The following FMNL2 variants were observed in gnomAD, a reference collection of about 807,000 sequenced individuals.
The protein encoded by FMNL2 is formin-like protein 2.
In FMNL2, 51 loss-of-function variants were observed where a neutral mutation model predicts 130.2. That is an observed-to-expected ratio of 0.39 (90% confidence interval 0.31 to 0.49). The LOEUF (loss-of-function observed/expected upper bound fraction) is 0.49, where lower values mean the gene tolerates loss of function less well. Ranked by LOEUF, FMNL2 falls within the 20% of genes least tolerant of loss-of-function variation. The probability of loss-of-function intolerance (pLI) is 0.85; values close to 1 mark genes in which losing one functional copy is unlikely to be tolerated. For synonymous variants in FMNL2, 465 were observed against 467.1 expected (o/e 1.00, Z 0.06); for missense variants, 977 against 1,316.2 (o/e 0.74, Z 3.99).
In FMNL2 at chr2:152,631,993, C is replaced by A. The variant is rs370190013; in HGVS notation, c.2551-15C>A. The A allele has an allele frequency of 1.4e-5, 23 of 1,607,534 alleles. No homozygotes were observed. Among genetic ancestry groups the A allele is most frequent in the Non-Finnish European group, 1.9e-5 (22 of 1,177,288 alleles). ...TTTACTCTTGTACCTAACCCACGTT[C>A]CCTTTTGTTTTCAGCTCTTAGATAC... On this transcript the variant is annotated splice_polypyrimidine_tract_variant and intron_variant, in intron 20 of 25. Transcript: ENST00000288670.
At chr2:152,551,172 G>A (rs1694917611) in intron 4 of FMNL2, among the ~76,000 whole-genome samples, 1 of 148,828 alleles carries the variant, frequency 6.7e-6, no homozygotes, top group Admixed American at 6.7e-5. Flanking sequence ...ATTTCTTTAA[G>A]CATTGCCGAA....
intron 1 of FMNL2, among the ~76,000 whole-genome samples, chr2:152,442,959 T>G (rs548349304): frequency 1.3e-5 from 2 of 152,264 alleles, no homozygotes; most frequent in African/African-American, 4.8e-5. Context: ...TCATACTCAT[T>G]TAGAGGGATC....
intron 2 of FMNL2, among the ~76,000 whole-genome samples, chr2:152,527,748 T>C (rs1693468220): frequency 6.6e-6 from 1 of 152,178 alleles, no homozygotes; most frequent in Non-Finnish European, 1.5e-5. Flanking sequence ...CTTTGATCTA[T>C]GGGAATCCCT....
intron 1 of FMNL2, among the ~76,000 whole-genome samples, chr2:152,426,212 A>G (rs1034113570): frequency 6.6e-6 from 1 of 152,126 alleles, no homozygotes; most frequent in Admixed American, 6.5e-5. Context: ...GTCATTGGCT[A>G]TTTATTTTTG....
intron 1 of FMNL2, among the ~76,000 whole-genome samples, chr2:152,518,441 T>C (rs1692896790): frequency 6.6e-6 from 1 of 152,262 alleles, no homozygotes; most frequent in Non-Finnish European, 1.5e-5. Context: ...AAGTCTCTTC[T>C]TGTTCAGAGA....
chr2:152,573,967 T>C (rs1211448671), intron 6 of FMNL2, among the ~76,000 whole-genome samples: 6 of 152,226 alleles, frequency 3.9e-5, no homozygotes, highest in African/African-American at 1.4e-4. Flanking sequence ...AGAAGCCCTT[T>C]GTGTTAATGT....
chr2:152,459,442 A>G (rs990410088), intron 1 of FMNL2, among the ~76,000 whole-genome samples: 2 of 152,220 alleles, frequency 1.3e-5, no homozygotes, highest in South Asian at 2.1e-4. Context: ...TGATTGATTT[A>G]TATACAAAAT....
intron 9 of FMNL2, among the ~76,000 whole-genome samples, chr2:152,592,441 CTTTG>C (rs1173447847): frequency 4.6e-5 from 7 of 152,004 alleles, no homozygotes; most frequent in African/African-American, 1.5e-4. Context: ...TCAATAAGGG[CTTTG>C]TTTGTTGGTT....
intron 25 of FMNL2, 139 bp from the exon 26 acceptor site, chr2:152,647,657 A>G (rs1683706733): frequency 1.3e-6 from 1 of 749,202 alleles, no homozygotes; most frequent in South Asian, 1.5e-5. Context: ...CTTTGATTCA[A>G]TGCTCAGTGA....
intron 1 of FMNL2, among the ~76,000 whole-genome samples, chr2:152,367,785 A>G (rs1365837677): frequency 6.6e-6 from 1 of 152,212 alleles, no homozygotes; most frequent in Non-Finnish European, 1.5e-5. Context: ...AGAAGGGCTT[A>G]TAGGATTTGC....
chr2:152,566,834 G>A (rs144722809), intron 6 of FMNL2, among the ~76,000 whole-genome samples: 1 of 152,158 alleles, frequency 6.6e-6, no homozygotes, highest in South Asian at 2.1e-4. Context: ...AGTGATTCAC[G>A]AGACTTGGTG....
At chr2:152,415,222 A>G (rs2106017640) in intron 1 of FMNL2, among the ~76,000 whole-genome samples, 2 of 152,040 alleles carry the variant, frequency 1.3e-5, no homozygotes, top group African/African-American at 4.8e-5. Context: ...GTGAACACCC[A>G]CCTCTCAGTG....
At chr2:152,505,708 G>A (rs1692131531) in intron 1 of FMNL2, among the ~76,000 whole-genome samples, 2 of 152,202 alleles carry the variant, frequency 1.3e-5, no homozygotes, top group Admixed American at 6.5e-5. Flanking sequence ...AAGGGTCATC[G>A]GGCTCCAGCC....
intron 2 of FMNL2, among the ~76,000 whole-genome samples, chr2:152,537,862 T>C (rs1341361562): frequency 1.8e-4 from 27 of 151,536 alleles, no homozygotes; most frequent in Non-Finnish European, 1.5e-5. Flanking sequence ...AACAGAAACA[T>C]TGGGAAAATA....
At chr2:152,616,830 G>T (rs980665432) in intron 12 of FMNL2, among the ~76,000 whole-genome samples, 1 of 152,164 alleles carries the variant, frequency 6.6e-6, no homozygotes, top group Admixed American at 6.5e-5. Context: ...CTGCAGAAAT[G>T]GAGGGAGGCA....
intron 1 of FMNL2, among the ~76,000 whole-genome samples, chr2:152,365,815 G>A (rs1288079343): frequency 6.6e-6 from 1 of 152,124 alleles, no homozygotes; most frequent in East Asian, 1.9e-4. Context: ...ACAGTCAGCA[G>A]CTATGAGAAT....
At chr2:152,638,830 A>AT (rs1024722321) in intron 23 of FMNL2, among the ~76,000 whole-genome samples, 1 of 152,150 alleles carries the variant, frequency 6.6e-6, no homozygotes, top group Non-Finnish European at 1.5e-5. Flanking sequence ...GTGCTGTGCC[A>AT]TTTTTTTCAC....
chr2:152,577,350 T>G (rs1696533716), intron 7 of FMNL2, among the ~76,000 whole-genome samples: 1 of 152,214 alleles, frequency 6.6e-6, no homozygotes, highest in African/African-American at 2.4e-5. Flanking sequence ...TTAGGAATTC[T>G]GTTTCGGGGA....
chr2:152,523,133 G>A (rs1052248089), intron 2 of FMNL2, among the ~76,000 whole-genome samples: 1 of 152,090 alleles, frequency 6.6e-6, no homozygotes, highest in African/African-American at 2.4e-5. Flanking sequence ...TAACAGGAAA[G>A]GTACACAAAG....
Sources: allele counts gnomAD v4.1 joint callset (sites outside exome capture counted in the v4.1 genomes callset), GRCh38; gene constraint gnomAD v4.1.1; transcripts MANE v1.5; gene names NCBI Gene and HGNC (gene_info 2026-07-23, HGNC 2026-07-21).